PSEN2: variants seen among roughly 807,000 people sequenced by gnomAD.
PSEN2 encodes the protein presenilin 2.
Under a neutral mutation model 49.1 loss-of-function variants are expected in PSEN2, and 32 were observed. The observed-to-expected ratio is 0.65, with a 90% CI of 0.49 to 0.88. The LOEUF (loss-of-function observed/expected upper bound fraction) is 0.88. PSEN2 is among the 40% of genes least tolerant of loss of function. The pLI, the probability that PSEN2 is intolerant of heterozygous loss-of-function variation, is 0.00. For missense variants in PSEN2, 522 were observed against 586.9 expected, an observed-to-expected ratio of 0.89 and a Z score of 1.14; for synonymous variants, 255 against 244.0, an observed-to-expected ratio of 1.05 and a Z score of -0.42.
chr1:226,901,841 A>G (rs1482080986), intron 12 of PSEN2, among the ~76,000 whole-genome samples: 1 of 152,244 alleles, frequency 6.6e-6, no homozygotes, highest in African/African-American at 2.4e-5. Flanking sequence ...GCAAGCTGCT[A>G]CTTTGCAAAT....
chr1:226,888,050 G>A (rs754102235), intron 6 of PSEN2, 41 bp from the exon 7 acceptor site: 3 of 1,547,756 alleles, frequency 1.9e-6, no homozygotes, highest in Non-Finnish European at 2.7e-6. Context: ...AATTTGTGGC[G>A]CTTGGGGACA....
At chr1:226,877,990 C>T (rs1468339829) in intron 3 of PSEN2, among the ~76,000 whole-genome samples, 3 of 152,266 alleles carry the variant, frequency 2.0e-5, no homozygotes, top group African/African-American at 7.2e-5. Flanking sequence ...GTCCTTTAAC[C>T]CTACCCTCCC....
At chr1:226,890,157 G>C (rs749888836) in intron 9 of PSEN2, 24 bp downstream of exon 9, 2 of 1,583,628 alleles carry the variant, frequency 1.3e-6, no homozygotes, top group South Asian at 1.1e-5. Context: ...CCGTGCCTCT[G>C]CCTGACTCGG....
chr1:226,892,019 G>T (rs1479568205), intron 11 of PSEN2, among the ~76,000 whole-genome samples, 175 bp downstream of exon 11: 1 of 152,210 alleles, frequency 6.6e-6, no homozygotes, highest in Non-Finnish European at 1.5e-5. Flanking sequence ...TTCTCAGCAG[G>T]CCCCATGTAG....
intron 3 of PSEN2, among the ~76,000 whole-genome samples, chr1:226,875,833 C>T (rs1386569525): frequency 6.6e-6 from 1 of 152,160 alleles, no homozygotes; most frequent in Non-Finnish European, 1.5e-5. Flanking sequence ...TTGGCTAATT[C>T]AGCAGTTTGA....
chr1:226,873,719 A>G (rs1660451384), intron 2 of PSEN2, among the ~76,000 whole-genome samples: 1 of 152,194 alleles, frequency 6.6e-6, no homozygotes. Flanking sequence ...CTGGGCTGAG[A>G]TAACCACTCT....
At chr1:226,887,441 G>A (rs1661432678) in intron 6 of PSEN2, among the ~76,000 whole-genome samples, 1 of 152,118 alleles carries the variant, frequency 6.6e-6, no homozygotes, top group Non-Finnish European at 1.5e-5. Context: ...TCACTGTCCC[G>A]CCGATGGCCA....
intron 3 of PSEN2, among the ~76,000 whole-genome samples, chr1:226,878,509 T>G (rs138051819): frequency 1.5e-3 from 235 of 152,338 alleles, no homozygotes; most frequent in Middle Eastern, 3.4e-3. Context: ...TGCTCTCTGC[T>G]TATCCATTTT....
At chr1:226,872,603 A>T (rs1571931192) in intron 2 of PSEN2, among the ~76,000 whole-genome samples, 1 of 152,322 alleles carries the variant, frequency 6.6e-6, no homozygotes, top group Non-Finnish European at 1.5e-5. Context: ...AAACAAACAA[A>T]ATTTTTTTAA....
chr1:226,877,057 T>C (rs1450631641), intron 3 of PSEN2, among the ~76,000 whole-genome samples: 1 of 152,164 alleles, frequency 6.6e-6, no homozygotes, highest in Non-Finnish European at 1.5e-5. Context: ...CACTCTCTCA[T>C]GTGGCAATCA....
chr1:226,887,871 G>A (rs970994736), intron 6 of PSEN2, among the ~76,000 whole-genome samples: 2 of 152,164 alleles, frequency 1.3e-5, no homozygotes, highest in African/African-American at 4.8e-5. Context: ...GCAGACCTGA[G>A]GGAGTCCTGT....
Position 226,894,145 on chromosome 1 carries a change from T to G in PSEN2, c.1191+20T>G. ...CTCATTGTGAGTGGCTGGGGATGCG[T>G]CCAGCTGCCTCGTGGTGGGGGCCCC... On this transcript the variant is annotated intron_variant, in intron 12 of 12. Transcript: ENST00000366783. 1 of 1,597,984 alleles carries G rather than the reference T, an allele frequency of 6.3e-7. No individual in the cohort carries two copies. Among genetic ancestry groups the G allele is most frequent in the Non-Finnish European group, 8.6e-7 (1 of 1,165,604 alleles).
intron 3 of PSEN2, 86 bp from the exon 4 acceptor site, chr1:226,881,802 C>T (rs961288568): frequency 6.7e-7 from 1 of 1,486,864 alleles, no homozygotes. Context: ...TCCAAGTCTC[C>T]AGGTCGCCTC....
At chr1:226,894,698 C>T (rs545168461) in intron 12 of PSEN2, among the ~76,000 whole-genome samples, 9 of 152,314 alleles carry the variant, frequency 5.9e-5, no homozygotes, top group Admixed American at 1.3e-4. Context: ...TCAGAGATTT[C>T]GCTGTCACGT....
At chr1:226,898,514 C>T (rs962894143), downstream of PSEN2, 2 of 152,322 alleles carry the variant, frequency 1.3e-5, no homozygotes, top group East Asian at 3.9e-4. Context: ...TTGGTGTCAT[C>T]AGACTTTTCA....
chr1:226,882,179 G>A (rs1178854471), intron 4 of PSEN2, 131 bp downstream of exon 4: 1 of 1,326,974 alleles, frequency 7.5e-7, no homozygotes, highest in African/African-American at 1.5e-5. Flanking sequence ...TGGCCGAAAA[G>A]GTGGGTGGCT....
At chr1:226,883,968 CA>C (rs1369119651) in intron 5 of PSEN2, 49 bp downstream of exon 5, 1 of 832,744 alleles carries the variant, frequency 1.2e-6, no homozygotes, top group African/African-American at 2.8e-5. Context: ...GCTGAGTTGC[CA>C]GGGGGTGGGG....
chr1:226,886,827 C>T (rs535755290), intron 6 of PSEN2, among the ~76,000 whole-genome samples: 2 of 152,242 alleles, frequency 1.3e-5, no homozygotes, highest in Non-Finnish European at 2.9e-5. Context: ...ACCAGCTGGG[C>T]ATTGTGGTGC....
chr1:226,897,325 G>C (rs892618770), downstream of PSEN2, among the ~76,000 whole-genome samples: 7 of 152,210 alleles, frequency 4.6e-5, no homozygotes, highest in African/African-American at 1.7e-4. Flanking sequence ...TAAGCTTGAG[G>C]TCTTTCAAAG....
Sources: gnomAD v4.1 joint callset for allele counts (sites outside exome capture counted in the v4.1 genomes callset) on GRCh38, gnomAD v4.1.1 for gene constraint, MANE v1.5 for transcripts, NCBI Gene and HGNC (gene_info 2026-07-23, HGNC 2026-07-21) for gene names.